Variants in ZNF326 observed in about 807,000 individuals in gnomAD.
ZNF326 encodes the protein zinc finger protein 326.
ZNF326 carries 30 observed loss-of-function variants against 63.1 expected under a neutral mutation model. The ratio of observed to expected loss-of-function variants is 0.48; its 90% CI spans 0.36 to 0.64. The LOEUF is 0.64. ZNF326 is among the 30% of genes least tolerant of loss of function. The probability of loss-of-function intolerance (pLI) is 0.00; values close to 1 mark genes in which losing one functional copy is unlikely to be tolerated. For synonymous variants in ZNF326, 194 were observed against 228.2 expected, an observed-to-expected ratio of 0.85 and a Z score of 1.35; for missense variants, 609 against 720.3, an observed-to-expected ratio of 0.85 and a Z score of 1.77.
chr1:89,995,257 C>A lies in ZNF326; in HGVS notation c.-1C>A. The A allele has an allele frequency of 6.4e-7, 1 of 1,556,208 alleles. No individual in the cohort carries two copies. Among genetic ancestry groups the A allele is most frequent in the South Asian group, 1.2e-5 (1 of 84,128 alleles). ...AAGGCCGACGGCCCTCAGCCTCTGC[C>A]ATGGACTTCGAGGACGGTAAGCGCT... is the stretch of plus-strand genomic sequence containing the variant. On this transcript the variant is annotated 5_prime_UTR_variant, in exon 1 of 12. Coordinates refer to ENST00000340281, the MANE Select transcript of ZNF326 (RefSeq NM_182976.4).
rs1398571489 is a variant in ZNF326 at position 90,032,842 on chromosome 1, G to A, written c.*5141G>A. ...TGCCAAATAAGGTGAGACTCACAGAGTATATGTGCAGAGCATATAATGCAG... is the reference window on the plus strand; with the variant it reads ...TGCCAAATAAGGTGAGACTCACAGAATATATGTGCAGAGCATATAATGCAG... On this transcript the variant is annotated 3_prime_UTR_variant, in exon 12 of 12. Coordinates refer to ENST00000340281, the MANE Select transcript of ZNF326 (RefSeq NM_182976.4). 6.6e-6 allele frequency: 1 copy of A among 152,222 alleles called. No individual in the cohort carries two copies. The highest frequency in any genetic ancestry group is 2.4e-5 in the African/African-American group (1 of 41,444). 9.4% of individuals were successfully genotyped at this position (152,222 alleles called of 1,614,324 possible).
intron 2 of ZNF326, among the ~76,000 whole-genome samples, chr1:90,003,093 G>A (rs1195857405): frequency 1.3e-5 from 2 of 151,256 alleles, no homozygotes; most frequent in East Asian, 1.9e-4. Context: ...AAATAATGTC[G>A]GTCGTTTTCG....
intron 9 of ZNF326, among the ~76,000 whole-genome samples, chr1:90,020,350 T>C (rs573090864): frequency 1.3e-5 from 2 of 152,190 alleles, no homozygotes; most frequent in African/African-American, 4.8e-5. Context: ...TGTTTATACC[T>C]TCACCTGTAA....
intron 2 of ZNF326, among the ~76,000 whole-genome samples, chr1:90,003,176 G>A (rs1376050616): frequency 1.3e-5 from 2 of 151,000 alleles, no homozygotes; most frequent in Non-Finnish European, 2.9e-5. Context: ...TGTCGCCCAG[G>A]CTGGAGTGCA....
intron 11 of ZNF326, among the ~76,000 whole-genome samples, chr1:90,025,418 T>G (rs1649971671): frequency 6.6e-6 from 1 of 152,180 alleles, no homozygotes; most frequent in African/African-American, 2.4e-5. Context: ...TGGCTCAGCC[T>G]CCTGAGTAGC....
At position 90,032,822 on chromosome 1, in the gene ZNF326, A is replaced by G. The variant is rs555302248; in HGVS notation, c.*5121A>G. On this transcript the variant is annotated 3_prime_UTR_variant, in exon 12 of 12. Transcript: ENST00000340281. ...CTGTAACACAATTTGATGTTTGCCA[A>G]ATAAGGTGAGACTCACAGAGTATAT... 1 of 152,244 alleles carries G rather than the reference A, an allele frequency of 6.6e-6. No individual in the cohort carries two copies. The highest frequency in any genetic ancestry group is 1.9e-4 in the East Asian group (1 of 5,192). 9.4% of individuals were successfully genotyped at this position (152,244 alleles called of 1,614,324 possible).
intron 11 of ZNF326, among the ~76,000 whole-genome samples, chr1:90,023,259 A>T (rs924359805): frequency 1.3e-5 from 2 of 152,236 alleles, no homozygotes; most frequent in African/African-American, 4.8e-5. Context: ...TACCTACCTT[A>T]AAATCATTAT....
At chr1:89,995,977 C>T (rs1428347002) in intron 1 of ZNF326, among the ~76,000 whole-genome samples, 1 of 152,156 alleles carries the variant, frequency 6.6e-6, no homozygotes, top group Non-Finnish European at 1.5e-5. Flanking sequence ...AATTTTGGCA[C>T]AGCAAGCATC....
At chr1:90,012,337 AAGTC>A (rs990518959) in intron 6 of ZNF326, among the ~76,000 whole-genome samples, 1 of 152,328 alleles carries the variant, frequency 6.6e-6, no homozygotes, top group East Asian at 1.9e-4. Context: ...TGCTAAATAA[AAGTC>A]AGACCAAAAA....
intron 7 of ZNF326, 130 bp from the exon 8 acceptor site, chr1:90,017,187 T>G (rs1337957812): frequency 1.1e-5 from 8 of 699,396 alleles, no homozygotes; most frequent in Non-Finnish European, 1.8e-5. Context: ...AAGCTAAGTT[T>G]AATTCAGTCA....
chr1:90,005,228 G>T lies in ZNF326; in HGVS notation c.193G>T (p.Gly65Cys). The change falls in exon 4 of 12, where the codon GGT (glycine) becomes TGT (cysteine). Residue 65 changes from glycine to cysteine, a missense_variant. Gly to Cys is a radical substitution (Grantham distance 159, BLOSUM62 -3). Transcript: ENST00000340281. ...ATATGGCATGGACAATCACAGTGGTGGTGGTGGGGGTAGCAGGTAAATTGC... is the reference window on the plus strand; with the variant it reads ...ATATGGCATGGACAATCACAGTGGTTGTGGTGGGGGTAGCAGGTAAATTGC... Reference protein sequence around the residue: ...QSYGMDNHSGGGGGSRFGPYE... With the variant: ...QSYGMDNHSGCGGGSRFGPYE... The T allele has an allele frequency of 3.1e-6, 5 of 1,613,176 alleles. No homozygotes were observed. The highest frequency in any genetic ancestry group is 4.2e-6 in the Non-Finnish European group (5 of 1,179,734).
chr1:90,028,824 T>G lies in ZNF326; in HGVS notation c.*1123T>G, dbSNP rs976951836. ...TTTTGAGAGTAGGGTCCGTAGTTTT[T>G]TTTTTTTTTCTTTTTTGGGACAGGG... On this transcript the variant is annotated 3_prime_UTR_variant, in exon 12 of 12. Coordinates refer to ENST00000340281, the MANE Select transcript of ZNF326 (RefSeq NM_182976.4). The G allele has an allele frequency of 1.3e-5, 2 of 152,050 alleles. No homozygotes were observed. Among genetic ancestry groups the G allele is most frequent in the Non-Finnish European group, 2.9e-5 (2 of 68,040 alleles). The allele number at this position is 152,050 out of a possible 1,614,324, so 9.4% of individuals were successfully genotyped here. A position where few individuals can be genotyped will look rare whatever the true frequency, so the allele number is the denominator to read the frequency against.
intron 4 of ZNF326, chr1:90,005,934 A>C (rs918753204): frequency 1.0e-6 from 1 of 985,322 alleles, no homozygotes; most frequent in Non-Finnish European, 1.2e-6. Context: ...GCTTAAACCT[A>C]CTTAAACAAC....
chr1:90,006,518 A>G, intron 4 of ZNF326: 1 of 974,706 alleles, frequency 1.0e-6, no homozygotes. Flanking sequence ...CTCTCTTAAA[A>G]CCTCGAGGAG....
Position 90,033,146 on chromosome 1 carries a change from T to C in ZNF326, c.*5445T>C, listed in dbSNP as rs1307836491. 1 of 152,192 alleles carries C rather than the reference T, an allele frequency of 6.6e-6. No homozygotes were observed. Among genetic ancestry groups the C allele is most frequent in the Non-Finnish European group, 1.5e-5 (1 of 68,030 alleles). The allele number at this position is 152,192 out of a possible 1,614,324, so 9.4% of individuals were successfully genotyped here. A position where few individuals can be genotyped will look rare whatever the true frequency, so the allele number is the denominator to read the frequency against. On this transcript the variant is annotated 3_prime_UTR_variant, in exon 12 of 12. Coordinates refer to ENST00000340281, the MANE Select transcript of ZNF326 (RefSeq NM_182976.4). ...AAATTTATTGGTTGGAAAACTGCTATCTACAGGCCTTCCACTACCTATTTC... is the reference window on the plus strand; with the variant it reads ...AAATTTATTGGTTGGAAAACTGCTACCTACAGGCCTTCCACTACCTATTTC...
intron 1 of ZNF326, among the ~76,000 whole-genome samples, chr1:89,996,291 G>C (rs1042333338): frequency 1.3e-5 from 2 of 152,206 alleles, no homozygotes; most frequent in African/African-American, 4.8e-5. Context: ...AGTTCACTAA[G>C]TAGGCTGTAA....
intron 1 of ZNF326, among the ~76,000 whole-genome samples, chr1:89,997,132 A>G (rs1474005025): frequency 1.3e-5 from 2 of 152,228 alleles, no homozygotes; most frequent in East Asian, 3.8e-4. Context: ...ATGGAGTTTG[A>G]CTAACACCAT....
At chr1:90,023,782 A>C (rs1395986761) in intron 11 of ZNF326, among the ~76,000 whole-genome samples, 1 of 152,202 alleles carries the variant, frequency 6.6e-6, no homozygotes, top group Non-Finnish European at 1.5e-5. Context: ...CAATCGAGTC[A>C]CTTCATGGAA....
rs1557523979 is a variant in ZNF326 at position 90,014,457 on chromosome 1, G to C, written c.926+1220G>C. Among the ~76,000 whole-genome samples, 3 of 152,240 alleles carry C rather than the reference G, an allele frequency of 2.0e-5. No homozygotes were observed. The South Asian group carries it at 6.2e-4, about 32-fold the overall frequency. Reference sequence around the variant, plus strand: ...TTAAGGAAATTGTTTAAACTTAACAGTAATTTCATTAAACTAAAAATTTAA... The same window carrying C: ...TTAAGGAAATTGTTTAAACTTAACACTAATTTCATTAAACTAAAAATTTAA... On this transcript the variant is annotated intron_variant, in intron 7 of 11. Coordinates refer to ENST00000340281, the MANE Select transcript of ZNF326 (RefSeq NM_182976.4).
Sources: allele counts gnomAD v4.1 joint callset (sites outside exome capture counted in the v4.1 genomes callset), GRCh38; gene constraint gnomAD v4.1.1; transcripts MANE v1.5; gene names NCBI Gene and HGNC (gene_info 2026-07-23, HGNC 2026-07-21).